USP34: variants seen among roughly 807,000 people sequenced by gnomAD.
The protein encoded by USP34 is ubiquitin specific peptidase 34, also known as ubiquitin carboxyl-terminal hydrolase 34.
Under a neutral mutation model 460.3 loss-of-function variants are expected in USP34, and 70 were observed. The ratio of observed to expected loss-of-function variants is 0.15; its 90% CI spans 0.13 to 0.19. The LOEUF is 0.19. Ranked by LOEUF, USP34 falls within the 10% of genes least tolerant of loss-of-function variation. The probability of loss-of-function intolerance (pLI) is 1.00; values close to 1 mark genes in which losing one functional copy is unlikely to be tolerated. For synonymous variants in USP34, 1,647 were observed against 1,405.3 expected (o/e 1.17, Z -3.85); for missense variants, 3,985 against 4,236.2 (o/e 0.94, Z 1.65).
chr2:61,353,821 G>C (rs901157162), intron 10 of USP34, among the ~76,000 whole-genome samples: 2 of 152,004 alleles, frequency 1.3e-5, no homozygotes, highest in African/African-American at 4.8e-5. Flanking sequence ...ATCAGCAAAG[G>C]GACAGAAATT....
chr2:61,269,787 C>T, intron 41 of USP34, among the ~76,000 whole-genome samples: 1 of 151,946 alleles, frequency 6.6e-6, no homozygotes, highest in East Asian at 1.9e-4. Context: ...CAATTATCTA[C>T]TGATACATAA....
chr2:61,299,889 C>T (rs1160524234), intron 29 of USP34, among the ~76,000 whole-genome samples: 20 of 152,294 alleles, frequency 1.3e-4, no homozygotes, highest in Non-Finnish European at 5.9e-5. Flanking sequence ...ATTTGATGTT[C>T]CTCAGGCATC....
chr2:61,315,477 G>C (rs1405966412), intron 23 of USP34, among the ~76,000 whole-genome samples: 1 of 151,924 alleles, frequency 6.6e-6, no homozygotes, highest in Non-Finnish European at 1.5e-5. Context: ...GGTTTCCAAG[G>C]ATTCTCATGC....
At chr2:61,341,266 C>T (rs529915467) in intron 16 of USP34, among the ~76,000 whole-genome samples, 1 of 152,136 alleles carries the variant, frequency 6.6e-6, no homozygotes, top group Non-Finnish European at 1.5e-5. Context: ...CACACATGAA[C>T]AAATCTTTTC....
intron 51 of USP34, among the ~76,000 whole-genome samples, chr2:61,244,192 G>T (rs1182641618): frequency 1.3e-5 from 2 of 152,164 alleles, no homozygotes; most frequent in Non-Finnish European, 2.9e-5. Flanking sequence ...CTATGAAACG[G>T]AAATGACTAA....
chr2:61,416,621 G>C (rs535924041), intron 2 of USP34, among the ~76,000 whole-genome samples: 22 of 152,254 alleles, frequency 1.4e-4, no homozygotes, highest in African/African-American at 5.3e-4. Flanking sequence ...TGGTATCGGT[G>C]CTTGTCATAC....
chr2:61,374,864 C>T (rs1692743561), intron 8 of USP34, among the ~76,000 whole-genome samples: 1 of 152,170 alleles, frequency 6.6e-6, no homozygotes, highest in Non-Finnish European at 1.5e-5. Context: ...CCACTGCACT[C>T]AGTCTCCTAC....
At chr2:61,250,467 C>T (rs1688546409) in intron 48 of USP34, 1 of 157,076 alleles carries the variant, frequency 6.4e-6, no homozygotes, top group Non-Finnish European at 1.5e-5. Context: ...TGCATGGCCA[C>T]TCTCAGCATG....
intron 2 of USP34, among the ~76,000 whole-genome samples, chr2:61,416,014 A>G (rs1406908516): frequency 6.6e-6 from 1 of 152,260 alleles, no homozygotes; most frequent in Non-Finnish European, 1.5e-5. Flanking sequence ...AATTCCATCT[A>G]GCAACAAATA....
chr2:61,282,645 CT>C (rs900123284), intron 37 of USP34, among the ~76,000 whole-genome samples: 7 of 152,048 alleles, frequency 4.6e-5, no homozygotes, highest in Non-Finnish European at 1.0e-4. Context: ...AAAAAACTAG[CT>C]GGGCATGGTG....
intron 1 of USP34, among the ~76,000 whole-genome samples, chr2:61,426,069 C>T (rs1187345417): frequency 2.0e-5 from 3 of 152,012 alleles, no homozygotes; most frequent in Non-Finnish European, 4.4e-5. Flanking sequence ...CTGAGGAGCC[C>T]TTGGGCCCTG....
In USP34 at chr2:61,239,421, C is replaced by T. The variant is rs142609779; in HGVS notation, c.6777+2139G>A. Among the ~76,000 whole-genome samples the T allele has an allele frequency of 2.8e-5, 4 of 144,424 alleles. No individual in the cohort carries two copies. In the East Asian group the frequency reaches 7.8e-4, roughly 28 times the overall value. The allele number at this position is 144,424 out of a possible 152,430, so 94.7% of individuals were successfully genotyped here. Reference sequence around the variant, plus strand: ...ATTGTAAAGGTTTTATTTAAAATTTCATTTTACTTCACAAGTGGGCTAATT... The same window carrying T: ...ATTGTAAAGGTTTTATTTAAAATTTTATTTTACTTCACAAGTGGGCTAATT... On this transcript the variant is annotated intron_variant, in intron 53 of 79. Coordinates refer to ENST00000398571, the MANE Select transcript of USP34 (RefSeq NM_014709.4).
chr2:61,234,852 T>C (rs1228465489), intron 57 of USP34, among the ~76,000 whole-genome samples: 2 of 152,128 alleles, frequency 1.3e-5, no homozygotes, highest in Non-Finnish European at 2.9e-5. Flanking sequence ...GCCGGGCTGG[T>C]CTTGAACTCC....
intron 27 of USP34, among the ~76,000 whole-genome samples, chr2:61,301,819 C>A (rs1690234712): frequency 6.6e-6 from 1 of 152,178 alleles, no homozygotes; most frequent in African/African-American, 2.4e-5. Flanking sequence ...CCAATGGGAG[C>A]TTTTTCCTTA....
intron 1 of USP34, among the ~76,000 whole-genome samples, chr2:61,459,610 A>C (rs1695541642): frequency 6.6e-6 from 1 of 152,074 alleles, no homozygotes; most frequent in Non-Finnish European, 1.5e-5. Context: ...CCCCGTCTCT[A>C]CTAAAAATAC....
At chr2:61,336,512 A>T (rs530299160) in intron 18 of USP34, among the ~76,000 whole-genome samples, 1 of 149,906 alleles carries the variant, frequency 6.7e-6, no homozygotes, top group East Asian at 2.0e-4. Flanking sequence ...CACAAAGAGA[A>T]AAAAAAAAAA....
chr2:61,394,622 A>G (rs778550037), intron 5 of USP34, among the ~76,000 whole-genome samples: 1 of 152,054 alleles, frequency 6.6e-6, no homozygotes, highest in Non-Finnish European at 1.5e-5. Context: ...AAAATAGATA[A>G]TTATAGATAG....
intron 2 of USP34, among the ~76,000 whole-genome samples, chr2:61,408,993 G>T (rs1474010372): frequency 6.6e-6 from 1 of 152,092 alleles, no homozygotes; most frequent in South Asian, 2.1e-4. Flanking sequence ...GCCAAAGTGG[G>T]CAGATGACTA....
chr2:61,211,311 A>G (rs980303761), intron 69 of USP34, among the ~76,000 whole-genome samples: 1 of 152,240 alleles, frequency 6.6e-6, no homozygotes, highest in Non-Finnish European at 1.5e-5. Context: ...TCCTGTAACC[A>G]TTCAATAACT....
Sources: gnomAD v4.1 joint callset for allele counts (sites outside exome capture counted in the v4.1 genomes callset) on GRCh38, gnomAD v4.1.1 for gene constraint, MANE v1.5 for transcripts, NCBI Gene and HGNC (gene_info 2026-07-23, HGNC 2026-07-21) for gene names.